The following KIZ variants were observed in gnomAD, a reference collection of about 807,000 sequenced individuals.
The protein encoded by KIZ is kizuna centrosomal protein.
Under a neutral mutation model 79.6 loss-of-function variants are expected in KIZ, and 68 were observed. The observed-to-expected ratio is 0.85, with a 90% CI of 0.70 to 1.05. The LOEUF is 1.05. Among genes scored for constraint, KIZ ranks in the 50% least tolerant of loss-of-function variants. The pLI is 0.00. For missense variants in KIZ, 797 were observed against 800.4 expected, an observed-to-expected ratio of 1.00 and a Z score of 0.05; for synonymous variants, 280 against 281.8, an observed-to-expected ratio of 0.99 and a Z score of 0.06.
intron 7 of KIZ, among the ~76,000 whole-genome samples, chr20:21,206,754 G>A (rs1456462660): frequency 2.0e-5 from 3 of 152,174 alleles, no homozygotes; most frequent in Admixed American, 6.5e-5. Flanking sequence ...TTTCATGTTT[G>A]GTTTGGGACT....
chr20:21,237,949 C>T (rs375336043), intron 11 of KIZ, among the ~76,000 whole-genome samples: 15 of 152,212 alleles, frequency 9.9e-5, no homozygotes, highest in Non-Finnish European at 1.6e-4. Flanking sequence ...CCCACCTCAG[C>T]CTCCCAAGTA....
At chr20:21,166,650 G>T in intron 6 of KIZ, 2 of 769,770 alleles carry the variant, frequency 2.6e-6, no homozygotes, top group Non-Finnish European at 4.2e-6. Context: ...GAGAGACTTG[G>T]TTTCTCCATG....
chr20:21,196,982 A>G (rs1349821160), intron 6 of KIZ: 1 of 152,196 alleles, frequency 6.6e-6, no homozygotes, highest in African/African-American at 2.4e-5. Context: ...ACAAATTAGT[A>G]CCTTGCAAAT....
chr20:21,155,185 T>C (rs1310031211), intron 4 of KIZ, among the ~76,000 whole-genome samples: 4 of 152,208 alleles, frequency 2.6e-5, no homozygotes, highest in Admixed American at 6.5e-5. Flanking sequence ...CATAGCAGCT[T>C]GCTGTGTACA....
intron 4 of KIZ, among the ~76,000 whole-genome samples, chr20:21,156,613 T>C (rs1043368034): frequency 1.3e-5 from 2 of 152,156 alleles, no homozygotes; most frequent in African/African-American, 4.8e-5. Flanking sequence ...ATTGGCCCAA[T>C]TGACAAAATT....
At chr20:21,201,980 G>A (rs950374611) in intron 6 of KIZ, among the ~76,000 whole-genome samples, 3 of 152,154 alleles carry the variant, frequency 2.0e-5, no homozygotes, top group African/African-American at 7.2e-5. Flanking sequence ...CAAACCCTAG[G>A]TGCTGTACCT....
At chr20:21,166,602 C>A in intron 6 of KIZ, 1 of 1,199,274 alleles carries the variant, frequency 8.3e-7, no homozygotes, top group African/African-American at 1.6e-5. Context: ...ACCATTGTGG[C>A]GGTGCGGAAA....
intron 11 of KIZ, 183 bp downstream of exon 11, chr20:21,233,013 C>T (rs1569000512): frequency 1.7e-6 from 1 of 579,896 alleles, no homozygotes; most frequent in East Asian, 2.9e-5. Context: ...GCACCAGAGC[C>T]AAGTATTGTT....
At chr20:21,207,574 C>G (rs774699813) in intron 7 of KIZ, among the ~76,000 whole-genome samples, 2 of 150,992 alleles carry the variant, frequency 1.3e-5, no homozygotes, top group Non-Finnish European at 2.9e-5. Flanking sequence ...TTCCCTCCCC[C>G]CTTTCCCTTA....
intron 3 of KIZ, among the ~76,000 whole-genome samples, chr20:21,142,767 G>T (rs1180762244): frequency 2.1e-5 from 3 of 144,740 alleles, no homozygotes; most frequent in African/African-American, 8.3e-5. Context: ...CTCCAGCCTG[G>T]GTGACAGAGC....
chr20:21,180,571 G>A (rs928505524), intron 6 of KIZ, among the ~76,000 whole-genome samples: 4 of 152,096 alleles, frequency 2.6e-5, no homozygotes, highest in African/African-American at 9.7e-5. Flanking sequence ...CTTTCAATAC[G>A]AATTTGAGAT....
intron 1 of KIZ, among the ~76,000 whole-genome samples, chr20:21,128,888 G>A (rs573154470): frequency 6.6e-6 from 1 of 152,108 alleles, no homozygotes; most frequent in South Asian, 2.1e-4. Flanking sequence ...ATAGAATTGT[G>A]GTATCGAGAC....
chr20:21,166,285 G>T, intron 6 of KIZ: 2 of 1,601,066 alleles, frequency 1.2e-6, no homozygotes, highest in Non-Finnish European at 1.7e-6. Flanking sequence ...AGCTGAGGTT[G>T]TCAGTACAAT....
chr20:21,151,060 A>C (rs2033094359), intron 4 of KIZ: 1 of 152,226 alleles, frequency 6.6e-6, no homozygotes, highest in Admixed American at 6.5e-5. Flanking sequence ...GTATAGAAAT[A>C]CACATTGGTT....
intron 12 of KIZ, chr20:21,246,133 A>AG (rs774017261): frequency 4.1e-6 from 1 of 241,260 alleles, no homozygotes; most frequent in Non-Finnish European, 7.9e-6. Context: ...GGGGCAGCTG[A>AG]GGTGGGGCGG....
chr20:21,126,221 G>C lies in KIZ; in HGVS notation c.89+17G>C. On this transcript the variant is annotated intron_variant, in intron 1 of 12. Coordinates refer to ENST00000619189, the MANE Select transcript of KIZ (RefSeq NM_018474.6). ...GCGGGACAGGTAAGGGCACTGGGGC[G>C]GGGGTGGGGAGTCGGCCCGCGCCGG... is the stretch of plus-strand genomic sequence containing the variant. 2 of 1,398,018 alleles carry C rather than the reference G, an allele frequency of 1.4e-6. No homozygotes were observed. Among genetic ancestry groups the C allele is most frequent in the Non-Finnish European group, 1.9e-6 (2 of 1,064,340 alleles). 86.6% of individuals were successfully genotyped at this position (1,398,018 alleles called of 1,614,324 possible). A position where few individuals can be genotyped will look rare whatever the true frequency, so the allele number is the denominator to read the frequency against.
intron 9 of KIZ, among the ~76,000 whole-genome samples, chr20:21,219,927 C>T (rs888501026): frequency 6.6e-6 from 1 of 152,088 alleles, no homozygotes. Context: ...CACTGATGCC[C>T]CACCCACAAA....
chr20:21,174,726 C>T (rs1481496164), intron 6 of KIZ, among the ~76,000 whole-genome samples: 2 of 152,168 alleles, frequency 1.3e-5, no homozygotes, highest in Non-Finnish European at 2.9e-5. Context: ...AACTAAGTCA[C>T]ATGAAAGCCT....
In KIZ at chr20:21,163,177, T is replaced by C; in HGVS notation, c.1352+18T>C. ...ACAAGAGAGTAAGCCATTCAATTTTTTTTTTCTACTGTTCTGTTTTTAATT... is the reference window on the plus strand; with the variant it reads ...ACAAGAGAGTAAGCCATTCAATTTTCTTTTTCTACTGTTCTGTTTTTAATT... On this transcript the variant is annotated intron_variant, in intron 6 of 12. Transcript: ENST00000619189. The C allele has an allele frequency of 6.4e-7, 1 of 1,550,922 alleles. No individual in the cohort carries two copies. The highest frequency in any genetic ancestry group is 8.8e-7 in the Non-Finnish European group (1 of 1,139,294).
Sources: gnomAD v4.1 joint callset for allele counts (sites outside exome capture counted in the v4.1 genomes callset) on GRCh38, gnomAD v4.1.1 for gene constraint, MANE v1.5 for transcripts, NCBI Gene and HGNC (gene_info 2026-07-23, HGNC 2026-07-21) for gene names.